The following GPC6 variants were observed in gnomAD, a reference collection of about 807,000 sequenced individuals.
GPC6 encodes the protein glypican-6.
In GPC6, 14 loss-of-function variants were observed where a neutral mutation model predicts 55.2. The ratio of observed to expected loss-of-function variants is 0.25; its 90% CI spans 0.17 to 0.40. GPC6 has a LOEUF of 0.40. Ranked by LOEUF, GPC6 falls within the 10% of genes least tolerant of loss-of-function variation. The probability of loss-of-function intolerance (pLI) is 1.00; values close to 1 mark genes in which losing one functional copy is unlikely to be tolerated. For missense variants in GPC6, 641 were observed against 708.5 expected (o/e 0.90, Z 1.08); for synonymous variants, 278 against 259.6 (o/e 1.07, Z -0.68).
At chr13:94,369,759 TG>T (rs991253195) in intron 6 of GPC6, among the ~76,000 whole-genome samples, 1 of 152,192 alleles carries the variant, frequency 6.6e-6, no homozygotes, top group Non-Finnish European at 1.5e-5. Flanking sequence ...TCTCTTGCTC[TG>T]GGGGTAATCG....
intron 1 of GPC6, among the ~76,000 whole-genome samples, chr13:93,435,270 A>G (rs546151044): frequency 6.6e-6 from 1 of 151,926 alleles, no homozygotes; most frequent in Admixed American, 6.6e-5. Flanking sequence ...ATGAGACACC[A>G]TGCCCAGCTA....
chr13:93,821,994 T>C (rs577719191), intron 2 of GPC6, among the ~76,000 whole-genome samples: 46 of 147,596 alleles, frequency 3.1e-4, no homozygotes, highest in Admixed American at 9.0e-4. Flanking sequence ...GTCACGTATA[T>C]GTATAATTGT....
chr13:94,144,402 AAAACAC>A (rs1887487232), intron 4 of GPC6, among the ~76,000 whole-genome samples: 1 of 77,778 alleles, frequency 1.3e-5, no homozygotes, highest in African/African-American at 4.4e-5. Flanking sequence ...AGGTGCTTTT[AAAACAC>A]ACACACACAC....
At chr13:93,254,909 T>G (rs2139033143) in intron 1 of GPC6, among the ~76,000 whole-genome samples, 1 of 152,336 alleles carries the variant, frequency 6.6e-6, no homozygotes, top group East Asian at 1.9e-4. Context: ...TAGCTGTTTC[T>G]GAGAAAAAAA....
chr13:93,552,370 G>A lies in GPC6; in HGVS notation c.319+6949G>A, dbSNP rs117730908. On this transcript the variant is annotated intron_variant, in intron 2 of 8. Transcript: ENST00000377047. ...TACAATGCTGAAAGAGAAGATCCTG[G>A]TAGGGGGTCCTTTAAATGTGGTGCA... Among the ~76,000 whole-genome samples, 377 of 152,176 alleles carry A rather than the reference G, an allele frequency of 2.5e-3. 9 individuals are homozygous for A. In the East Asian group the frequency reaches 0.055, roughly 22 times the overall value.
chr13:93,282,501 G>C (rs1877986101), intron 1 of GPC6, among the ~76,000 whole-genome samples: 1 of 150,836 alleles, frequency 6.6e-6, no homozygotes, highest in African/African-American at 2.4e-5. Flanking sequence ...TCCCAACTTA[G>C]CTGATCTAAT....
chr13:93,858,342 G>A (rs1265498370), intron 3 of GPC6, among the ~76,000 whole-genome samples: 4 of 151,578 alleles, frequency 2.6e-5, no homozygotes, highest in Non-Finnish European at 5.9e-5. Context: ...ATGGTTATAT[G>A]TGGGGTCTAT....
At position 94,031,106 on chromosome 13, in the gene GPC6, G is replaced by A. The variant is rs1284260179; in HGVS notation, c.877+3212G>A. The stretch of plus-strand genomic sequence containing the variant: ...CGTGTGTGTGTGCGTGTGTGTGTGC[G>A]TGCATGTGTGTGTGTGTGTGTGTTC... On this transcript the variant is annotated intron_variant, in intron 4 of 8. Transcript: ENST00000377047. Among the ~76,000 whole-genome samples the A allele has an allele frequency of 3.8e-4, 55 of 146,140 alleles. No homozygotes were observed. The East Asian group carries it at 6.6e-3, about 17-fold the overall frequency.
chr13:94,151,597 C>A (rs1412940), intron 4 of GPC6, among the ~76,000 whole-genome samples: 13 of 152,088 alleles, frequency 8.5e-5, no homozygotes, highest in Non-Finnish European at 1.8e-4. Flanking sequence ...ATAGAAGGAT[C>A]CACCAAACAC....
At chr13:93,905,077 CTTT>C (rs11308770) in intron 3 of GPC6, among the ~76,000 whole-genome samples, 27 of 133,822 alleles carry the variant, frequency 2.0e-4, no homozygotes, top group Middle Eastern at 3.8e-3. Flanking sequence ...AGCATTCTCT[CTTT>C]TTTTTTTTTT....
chr13:93,625,626 C>T (rs1274439836), intron 2 of GPC6, among the ~76,000 whole-genome samples: 6 of 152,190 alleles, frequency 3.9e-5, no homozygotes, highest in Admixed American at 6.5e-5. Context: ...CTCCACTGTG[C>T]AGTCTAGCAG....
chr13:94,354,275 A>G (rs932189903), intron 6 of GPC6, among the ~76,000 whole-genome samples: 1 of 152,134 alleles, frequency 6.6e-6, no homozygotes, highest in African/African-American at 2.4e-5. Flanking sequence ...TCCATAATCC[A>G]GCAGTCAACT....
At chr13:93,595,704 C>G (rs1877697679) in intron 2 of GPC6, among the ~76,000 whole-genome samples, 1 of 152,070 alleles carries the variant, frequency 6.6e-6, no homozygotes, top group African/African-American at 2.4e-5. Context: ...TTTTCTTTCT[C>G]AAACTGTGAA....
At chr13:93,530,305 A>C (rs1243702250) in intron 1 of GPC6, among the ~76,000 whole-genome samples, 2 of 152,194 alleles carry the variant, frequency 1.3e-5, no homozygotes, top group Admixed American at 6.5e-5. Context: ...CACACAGTAG[A>C]ACCATAGTCC....
At chr13:93,724,250 T>G (rs1883549639) in intron 2 of GPC6, among the ~76,000 whole-genome samples, 1 of 152,038 alleles carries the variant, frequency 6.6e-6, no homozygotes, top group Non-Finnish European at 1.5e-5. Flanking sequence ...ACTTTCAGTT[T>G]GAAGATGTAT....
intron 3 of GPC6, among the ~76,000 whole-genome samples, chr13:93,982,449 CT>C (rs1164722632): frequency 5.9e-5 from 9 of 152,130 alleles, no homozygotes; most frequent in Non-Finnish European, 1.3e-4. Context: ...CAGAAGATTA[CT>C]AGTTGAAGTG....
chr13:93,346,189 G>C (rs887874920), intron 1 of GPC6, among the ~76,000 whole-genome samples: 1 of 151,910 alleles, frequency 6.6e-6, no homozygotes, highest in Non-Finnish European at 1.5e-5. Flanking sequence ...GAAGGTGAAG[G>C]GTTGAAGAAT....
At chr13:93,848,663 C>A (rs1888285713) in intron 3 of GPC6, among the ~76,000 whole-genome samples, 1 of 152,094 alleles carries the variant, frequency 6.6e-6, no homozygotes, top group Admixed American at 6.6e-5. Flanking sequence ...TATTCCTACC[C>A]TCAAGAGGTT....
chr13:93,756,974 C>CT (rs1884791755), intron 2 of GPC6, among the ~76,000 whole-genome samples: 1 of 152,176 alleles, frequency 6.6e-6, no homozygotes, highest in Admixed American at 6.5e-5. Context: ...AAAATATACT[C>CT]TAATTGCTCT....
Sources: allele counts gnomAD v4.1 joint callset (sites outside exome capture counted in the v4.1 genomes callset), GRCh38; gene constraint gnomAD v4.1.1; transcripts MANE v1.5; gene names NCBI Gene and HGNC (gene_info 2026-07-23, HGNC 2026-07-21).